The following RNF217 variants were observed in gnomAD, a reference collection of about 807,000 sequenced individuals.
The protein encoded by RNF217 is E3 ubiquitin-protein ligase RNF217.
RNF217 carries 31 observed loss-of-function variants against 57.8 expected under a neutral mutation model. That is an observed-to-expected ratio of 0.54 (90% CI 0.40 to 0.72). RNF217 has a LOEUF of 0.72. Ranked by LOEUF, RNF217 falls within the 30% of genes least tolerant of loss-of-function variation. The pLI, the probability that RNF217 is intolerant of heterozygous loss-of-function variation, is 0.00. For missense variants in RNF217, 696 were observed against 708.3 expected, an observed-to-expected ratio of 0.98 and a Z score of 0.20; for synonymous variants, 313 against 294.0, an observed-to-expected ratio of 1.06 and a Z score of -0.66.
intron 3 of RNF217, among the ~76,000 whole-genome samples, chr6:125,075,262 TG>T (rs2114639038): frequency 6.6e-6 from 1 of 152,338 alleles, no homozygotes; most frequent in African/African-American, 2.4e-5. Flanking sequence ...CCTGCCGTAG[TG>T]AAGTAGTAGA....
intron 3 of RNF217, among the ~76,000 whole-genome samples, chr6:125,067,895 A>G (rs1562493845): frequency 6.6e-6 from 1 of 152,114 alleles, no homozygotes; most frequent in Non-Finnish European, 1.5e-5. Flanking sequence ...AGGAACAGGA[A>G]CCTCAGAGAG....
intron 2 of RNF217, among the ~76,000 whole-genome samples, chr6:125,047,326 T>A: frequency 6.6e-6 from 1 of 152,104 alleles, no homozygotes; most frequent in East Asian, 1.9e-4. Context: ...ATTATGGCAA[T>A]AGTGAAATGT....
chr6:125,011,267 T>G (rs1456749879), intron 1 of RNF217, among the ~76,000 whole-genome samples: 1 of 152,180 alleles, frequency 6.6e-6, no homozygotes, highest in Non-Finnish European at 1.5e-5. Flanking sequence ...GGCTCTCACC[T>G]CCAATGATAT....
chr6:124,999,724 T>C (rs1784896106), intron 1 of RNF217, among the ~76,000 whole-genome samples: 1 of 152,186 alleles, frequency 6.6e-6, no homozygotes, highest in Admixed American at 6.5e-5. Context: ...CATTGAGAAA[T>C]GTTCAGACAA....
Position 124,962,660 on chromosome 6 carries a change from G to A in RNF217, c.116G>A (p.Arg39Gln), listed in dbSNP as rs1183963579. The A allele has an allele frequency of 7.5e-7, 1 of 1,333,484 alleles. No individual in the cohort carries two copies. Among genetic ancestry groups the A allele is most frequent in the Non-Finnish European group, 9.5e-7 (1 of 1,053,218 alleles). The allele number at this position is 1,333,484 out of a possible 1,614,324, so 82.6% of individuals were successfully genotyped here. ...EPPRPQGDSA[R>Q]APPLRAASAE... Reference sequence around the variant, plus strand: ...CCGAGGCCTCAGGGGGACAGCGCCCGGGCGCCCCCGCTGCGCGCCGCCTCC... The same window carrying A: ...CCGAGGCCTCAGGGGGACAGCGCCCAGGCGCCCCCGCTGCGCGCCGCCTCC... The change falls in exon 1 of 6, where the codon CGG (arginine) becomes CAG (glutamine). Residue 39 changes from arginine to glutamine, a missense_variant. This residue lies in a region of RNF217 where 465 missense variants were observed against 386.8 expected (regional missense o/e 1.20). Coordinates refer to ENST00000521654, the MANE Select transcript of RNF217 (RefSeq NM_001286398.3). This position sits in a 1 kb window ranked among gnomAD's most constrained non-coding sequence, Gnocchi z 4.6.
intron 1 of RNF217, among the ~76,000 whole-genome samples, chr6:125,025,365 A>G (rs1786034834): frequency 6.6e-6 from 1 of 152,054 alleles, no homozygotes; most frequent in Admixed American, 6.5e-5. Flanking sequence ...AATCCTAACG[A>G]GTTTTTTGTT....
In RNF217 at chr6:125,084,678, A is replaced by T. The variant is rs1788718865; in HGVS notation, c.*1741A>T. Reference sequence around the variant, plus strand: ...CATTCTTTCTGAATAACACAGAATAACTGTGCTACAGCTTCTGGATTAGTT... The same window carrying T: ...CATTCTTTCTGAATAACACAGAATATCTGTGCTACAGCTTCTGGATTAGTT... On this transcript the variant is annotated 3_prime_UTR_variant, in exon 6 of 6. Coordinates refer to ENST00000521654, the MANE Select transcript of RNF217 (RefSeq NM_001286398.3). 1 of 152,000 alleles carries T rather than the reference A, an allele frequency of 6.6e-6. No homozygotes were observed. The highest frequency in any genetic ancestry group is 1.9e-4 in the East Asian group (1 of 5,198). The allele number at this position is 152,000 out of a possible 1,614,324, so 9.4% of individuals were successfully genotyped here. A position where few individuals can be genotyped will look rare whatever the true frequency, so the allele number is the denominator to read the frequency against.
At chr6:125,030,974 T>C (rs1380868910) in intron 1 of RNF217, among the ~76,000 whole-genome samples, 1 of 152,244 alleles carries the variant, frequency 6.6e-6, no homozygotes, top group Non-Finnish European at 1.5e-5. Context: ...TCCCTACATC[T>C]TCTGAAATGT....
Position 124,963,240 on chromosome 6 carries a change from G to A in RNF217, c.696G>A (p.Glu232=). 6.5e-7 allele frequency: 1 copy of A among 1,536,108 alleles called. No individual in the cohort carries two copies. The highest frequency in any genetic ancestry group is 8.7e-7 in the Non-Finnish European group (1 of 1,146,908). Residue 232 remains glutamate, a synonymous_variant, in exon 1 of 6, where the codon GAG becomes GAA. Coordinates refer to ENST00000521654, the MANE Select transcript of RNF217 (RefSeq NM_001286398.3). ...AGCTGGAGTTCTACCTGGCGCCCGAGCCGTTCTCCATGCCCAGCCTGTTGG... is the reference window on the plus strand; with the variant it reads ...AGCTGGAGTTCTACCTGGCGCCCGAACCGTTCTCCATGCCCAGCCTGTTGG... ...SIELEFYLAP[E]PFSMPSLLGA...
intron 1 of RNF217, among the ~76,000 whole-genome samples, chr6:125,028,139 C>T (rs1293101619): frequency 1.3e-5 from 2 of 152,022 alleles, no homozygotes; most frequent in East Asian, 3.9e-4. Flanking sequence ...AATGTGATCC[C>T]ATTTGTCCAG....
At chr6:124,992,049 G>T (rs1014022093) in intron 1 of RNF217, among the ~76,000 whole-genome samples, 1 of 152,072 alleles carries the variant, frequency 6.6e-6, no homozygotes, top group South Asian at 2.1e-4. Context: ...AATGCCCTGG[G>T]GATCTTGTTA....
At chr6:125,082,710 G>A in intron 5 of RNF217, 154 bp from the exon 6 acceptor site, 1 of 1,268,988 alleles carries the variant, frequency 7.9e-7, no homozygotes, top group South Asian at 1.3e-5. Flanking sequence ...AAATATTAAA[G>A]AATGAAATAT....
At position 125,086,809 on chromosome 6, in the gene RNF217, G is replaced by A. The variant is rs559978126; in HGVS notation, c.*3872G>A. ...TGATATCTTTAATTGTACTTTCTCT[G>A]CTGTGGTATCAAGATTCAGTGGTGC... On this transcript the variant is annotated 3_prime_UTR_variant, in exon 6 of 6. Transcript: ENST00000521654. 1.8e-4 allele frequency: 27 copies of A among 152,176 alleles called. 1 individual carries two copies. Among genetic ancestry groups the A allele is most frequent in the African/African-American group, 6.5e-4 (27 of 41,536 alleles). The allele number at this position is 152,176 out of a possible 1,614,324, so 9.4% of individuals were successfully genotyped here. A position where few individuals can be genotyped will look rare whatever the true frequency, so the allele number is the denominator to read the frequency against.
At position 125,085,587 on chromosome 6, in the gene RNF217, AAAAT is replaced by A. The variant is rs546906120; in HGVS notation, c.*2656_*2659del. On this transcript the variant is annotated 3_prime_UTR_variant, in exon 6 of 6. Coordinates refer to ENST00000521654, the MANE Select transcript of RNF217 (RefSeq NM_001286398.3). ...CTACTTTAAAAAGAAGCGTGCACATAAAATAAATATCTTTCTATCCAAGGCTTGT... is the reference window on the plus strand; with the variant it reads ...CTACTTTAAAAAGAAGCGTGCACATAAAATATCTTTCTATCCAAGGCTTGT... The A allele has an allele frequency of 2.2e-3, 342 of 152,050 alleles. 1 individual carries two copies. The highest frequency in any genetic ancestry group is 8.0e-3 in the African/African-American group (333 of 41,550). 9.4% of individuals were successfully genotyped at this position (152,050 alleles called of 1,614,324 possible). A position where few individuals can be genotyped will look rare whatever the true frequency, so the allele number is the denominator to read the frequency against.
chr6:125,015,320 G>T (rs999592464), intron 1 of RNF217, among the ~76,000 whole-genome samples: 1 of 152,034 alleles, frequency 6.6e-6, no homozygotes, highest in African/African-American at 2.4e-5. Flanking sequence ...GGTTTTGTAA[G>T]ACATCTTTTT....
intron 3 of RNF217, among the ~76,000 whole-genome samples, chr6:125,058,663 A>G (rs886536736): frequency 1.3e-5 from 2 of 152,220 alleles, no homozygotes; most frequent in Non-Finnish European, 2.9e-5. Flanking sequence ...TAATCATGCA[A>G]GTAATCAAGA....
chr6:125,064,598 C>G (rs1273515168), intron 3 of RNF217, among the ~76,000 whole-genome samples: 1 of 151,808 alleles, frequency 6.6e-6, no homozygotes, highest in Non-Finnish European at 1.5e-5. Context: ...TTTATGGTTC[C>G]TAAAATGAAG....
intron 1 of RNF217, among the ~76,000 whole-genome samples, chr6:124,979,618 G>T (rs962774323): frequency 6.6e-6 from 1 of 152,202 alleles, no homozygotes; most frequent in Non-Finnish European, 1.5e-5. Context: ...GCAGCACAGA[G>T]AGCAGAGGGG....
chr6:125,068,241 G>C (rs1235586806), intron 3 of RNF217, among the ~76,000 whole-genome samples: 1 of 152,062 alleles, frequency 6.6e-6, no homozygotes, highest in Non-Finnish European at 1.5e-5. Flanking sequence ...TTAAAATGTA[G>C]AGTGAGGAAT....
Sources: allele counts gnomAD v4.1 joint callset (sites outside exome capture counted in the v4.1 genomes callset), GRCh38; gene constraint gnomAD v4.1.1; regional missense constraint gnomAD v4.1.1; non-coding constraint Gnocchi (gnomAD v3.1); transcripts MANE v1.5; gene names NCBI Gene and HGNC (gene_info 2026-07-23, HGNC 2026-07-21).